PSG8: variants seen among roughly 807,000 people sequenced by gnomAD.
PSG8 encodes pregnancy specific beta-1-glycoprotein 8.
PSG8 carries 57 observed loss-of-function variants against 42.5 expected under a neutral mutation model. That is an observed-to-expected ratio of 1.34 (90% CI 1.08 to 1.67). The LOEUF (loss-of-function observed/expected upper bound fraction) is 1.67. Among genes scored for constraint, PSG8 ranks in the 40% most tolerant of loss-of-function variants. PSG8 has a pLI of 0.00. For missense variants in PSG8, 783 were observed against 518.6 expected (o/e 1.51, Z -4.95); for synonymous variants, 280 against 196.8 (o/e 1.42, Z -3.54).
At chr19:42,762,217 A>G (rs1291984208) in intron 2 of PSG8, among the ~76,000 whole-genome samples, 1 of 151,912 alleles carries the variant, frequency 6.6e-6, no homozygotes, top group African/African-American at 2.4e-5. Flanking sequence ...TGGGAGGAAG[A>G]TGAGGGACAC....
At chr19:42,752,929 C>T (rs1159998621), downstream of PSG8, 4 of 313,912 alleles carry the variant, frequency 1.3e-5, no homozygotes, top group Non-Finnish European at 2.3e-5. Context: ...CCACATTTCC[C>T]CCTGAGATGT....
chr19:42,757,057 G>A (rs78280164), intron 3 of PSG8, among the ~76,000 whole-genome samples: 3 of 151,930 alleles, frequency 2.0e-5, no homozygotes, highest in Non-Finnish European at 4.4e-5. Flanking sequence ...TTGACTTTTT[G>A]GTTAAACTTA....
chr19:42,754,889 G>A (rs930421581), intron 4 of PSG8, 99 bp downstream of exon 4: 4 of 1,566,054 alleles, frequency 2.6e-6, no homozygotes, highest in African/African-American at 1.4e-5. Flanking sequence ...AGAAGTGAAG[G>A]TGTCTATACT....
At chr19:42,764,726 C>G (rs1158928643) in intron 1 of PSG8, among the ~76,000 whole-genome samples, 1 of 152,114 alleles carries the variant, frequency 6.6e-6, no homozygotes, top group Non-Finnish European at 1.5e-5. Context: ...ACCTTACATT[C>G]TAGATCTCTT....
downstream of PSG8, chr19:42,754,129 C>G (rs1307419202): frequency 7.4e-7 from 1 of 1,350,008 alleles, no homozygotes; most frequent in Non-Finnish European, 1.0e-6. Flanking sequence ...TTGGTCTAGG[C>G]TGGGAATTTT....
In PSG8 at chr19:42,758,112, C is replaced by T. The variant is rs1263037383; in HGVS notation, c.599G>A (p.Arg200Lys). The T allele has an allele frequency of 1.9e-6, 3 of 1,613,874 alleles. No individual in the cohort carries two copies. The highest frequency in any genetic ancestry group is 2.7e-5 in the African/African-American group (2 of 74,874). Residue 200 changes from arginine to lysine, a missense_variant, in exon 3 of 5, where the codon AGG (arginine) becomes AAG (lysine). Coordinates refer to ENST00000306511, the MANE Select transcript of PSG8 (RefSeq NM_182707.3). ...TGTGACACCCAATAGAAAGAGGGTC[C>T]TGTTGGTTTCAGACAACTGCAACCT... ...SHRLQLSETN[R>K]TLFLLGVTKY...
At position 42,764,007 on chromosome 19, in the gene PSG8, G is replaced by T. The variant is rs115679481; in HGVS notation, c.339C>A (p.Thr113=). Residue 113 remains threonine (T), a synonymous_variant, in exon 2 of 5, where the codon ACC becomes ACA. Transcript: ENST00000306511. ...SNASLLIQNV[T]QEDAGSYTLH... The stretch of plus-strand genomic sequence containing the variant: ...AGGTGTAGGATCCTGCGTCTTCCTG[G>T]GTGACATTCTGGATCAGCAGGGATG... 1.3e-4 allele frequency: 217 copies of T among 1,611,764 alleles called. No individual in the cohort carries two copies. The African/African-American group carries it at 1.7e-3, about 13-fold the overall frequency.
At chr19:42,760,230 T>G (rs1368116956) in intron 2 of PSG8, among the ~76,000 whole-genome samples, 2 of 152,072 alleles carry the variant, frequency 1.3e-5, no homozygotes, top group African/African-American at 4.8e-5. Flanking sequence ...AACTCCAACT[T>G]ATGAAAATGG....
At chr19:42,755,325 A>G in intron 3 of PSG8, 59 bp from the exon 4 acceptor site, 1 of 1,585,762 alleles carries the variant, frequency 6.3e-7, no homozygotes, top group Non-Finnish European at 8.6e-7. Context: ...CTCCACAGGC[A>G]TCCTTCAATC....
At chr19:42,755,449 G>C (rs1969900655) in intron 3 of PSG8, 183 bp from the exon 4 acceptor site, 1 of 1,282,914 alleles carries the variant, frequency 7.8e-7, no homozygotes, top group East Asian at 2.4e-5. Flanking sequence ...TATGAGGCCA[G>C]CTGCTCTGTC....
At chr19:42,758,494 AGT>A in intron 2 of PSG8, 1 of 1,087,586 alleles carries the variant, frequency 9.2e-7, no homozygotes. Context: ...GACTTTCTCA[AGT>A]GTGAATTGAG....
intron 2 of PSG8, chr19:42,758,973 G>A (rs1357645014): frequency 6.5e-6 from 1 of 153,456 alleles, no homozygotes; most frequent in African/African-American, 2.4e-5. Context: ...GGCAAGAACT[G>A]ATAGCTTTGG....
chr19:42,754,551 G>A lies in PSG8; in HGVS notation c.1025C>T (p.Thr342Ile), dbSNP rs150464724. Reference protein sequence around the residue: ...PDLPRIYPSFTYYRSGEVLYL... With the variant: ...PDLPRIYPSFIYYRSGEVLYL... The stretch of plus-strand genomic sequence containing the variant: ...GAGGACTTCTCCTGAACGGTAATAG[G>A]TGAATGAAGGGTAAATTCTGGGGAG... Residue 342 changes from threonine (T) to isoleucine (I), a missense_variant, in exon 5 of 5, where the codon ACC becomes ATC. By Grantham distance (89) the Thr-to-Ile change is moderately conservative. Transcript: ENST00000306511. 302 of 1,613,610 alleles carry A rather than the reference G, an allele frequency of 1.9e-4. 2 individuals are homozygous for A. The African/African-American group carries it at 3.6e-3, about 19-fold the overall frequency.
chr19:42,759,059 T>A (rs1310341794), intron 2 of PSG8: 4 of 152,102 alleles, frequency 2.6e-5, no homozygotes, highest in Non-Finnish European at 5.9e-5. Flanking sequence ...ACCATGTGGA[T>A]CTTTTTGGAA....
At position 42,765,502 on chromosome 19, in the gene PSG8, G is replaced by C. The variant is rs746863859; in HGVS notation, c.64+16C>G. 3 of 1,609,766 alleles carry C rather than the reference G, an allele frequency of 1.9e-6. No individual in the cohort carries two copies. Among genetic ancestry groups the C allele is most frequent in the South Asian group, 1.1e-5 (1 of 91,032 alleles). On this transcript the variant is annotated intron_variant, in intron 1 of 4. Transcript: ENST00000306511. ...GCTTCCTCCTCCTGTCCTCTCCCAGGAGGTTCTCTCCTCACCTGTGAGCAG... is the reference window on the plus strand; with the variant it reads ...GCTTCCTCCTCCTGTCCTCTCCCAGCAGGTTCTCTCCTCACCTGTGAGCAG...
intron 2 of PSG8, chr19:42,758,490 C>T (rs538686013): frequency 8.9e-7 from 1 of 1,118,124 alleles, no homozygotes; most frequent in South Asian, 1.7e-5. Context: ...CACAGACTTT[C>T]TCAAGTGTGA....
Position 42,755,033 on chromosome 19 carries a change from G to A in PSG8, c.943C>T (p.Gln315Ter), listed in dbSNP as rs768287272. ...GGGTAACTGCGGATGCCACCATATT[G>A]GTCCCTTATTTCACATTGATAGGGT... ...TGPYQCEIRD[Q>*]YGGIRSYPVT... Residue 315 changes from glutamine to a stop codon, truncating the protein, a stop_gained, in exon 4 of 5, where the codon CAA becomes TAA. Transcript: ENST00000306511. LOFTEE classifies it high-confidence loss of function. 1 of 1,610,956 alleles carries A rather than the reference G, an allele frequency of 6.2e-7. No homozygotes were observed. The highest frequency in any genetic ancestry group is 8.5e-7 in the Non-Finnish European group (1 of 1,178,468).
At chr19:42,757,432 T>G (rs1969953639) in intron 3 of PSG8, among the ~76,000 whole-genome samples, 1 of 151,844 alleles carries the variant, frequency 6.6e-6, no homozygotes, top group Admixed American at 6.6e-5. Context: ...TATGTTTTAG[T>G]GATTTGGGGG....
Position 42,758,098 on chromosome 19 carries a change from A to C in PSG8, c.613T>G (p.Leu205Val). The stretch of plus-strand genomic sequence containing the variant: ...CCTGCAGTGTACTTTGTGACACCCA[A>C]TAGAAAGAGGGTCCTGTTGGTTTCA... ...LSETNRTLFL[L>V]GVTKYTAGPY... Residue 205 changes from leucine (L) to valine (V), a missense_variant, in exon 3 of 5, where the codon TTG becomes GTG. Physicochemically the swap from Leu to Val is conservative, Grantham distance 32. Coordinates refer to ENST00000306511, the MANE Select transcript of PSG8 (RefSeq NM_182707.3). 1 of 1,614,012 alleles carries C rather than the reference A, an allele frequency of 6.2e-7. No homozygotes were observed. The highest frequency in any genetic ancestry group is 1.3e-5 in the African/African-American group (1 of 75,014).
Sources: gnomAD v4.1 joint callset for allele counts (sites outside exome capture counted in the v4.1 genomes callset) on GRCh38, gnomAD v4.1.1 for gene constraint, MANE v1.5 for transcripts, NCBI Gene and HGNC (gene_info 2026-07-23, HGNC 2026-07-21) for gene names.